Variants in NFATC2 observed in about 807,000 individuals in gnomAD.
NFATC2 encodes the protein nuclear factor of activated T cells 2, also known as nuclear factor of activated T-cells, cytoplasmic 2.
NFATC2 carries 22 observed loss-of-function variants against 87.3 expected under a neutral mutation model. The observed-to-expected ratio is 0.25, with a 90% CI of 0.18 to 0.36. The LOEUF is 0.36. Ranked by LOEUF, NFATC2 falls within the 10% of genes least tolerant of loss-of-function variation. The pLI is 1.00. For synonymous variants in NFATC2, 565 were observed against 542.2 expected, an observed-to-expected ratio of 1.04 and a Z score of -0.58; for missense variants, 1,149 against 1,259.1, an observed-to-expected ratio of 0.91 and a Z score of 1.32.
At chr20:51,457,011 C>T (rs1229991962) in intron 5 of NFATC2, among the ~76,000 whole-genome samples, 3 of 152,254 alleles carry the variant, frequency 2.0e-5, no homozygotes, top group Non-Finnish European at 4.4e-5. Flanking sequence ...CCTCTGTTCC[C>T]AGAGACCCGC....
intron 9 of NFATC2, among the ~76,000 whole-genome samples, chr20:51,399,684 TCTC>T (rs978888671): frequency 6.6e-6 from 1 of 152,066 alleles, no homozygotes. Context: ...GCACTTCATC[TCTC>T]CTCCTTTTCT....
chr20:51,400,184 T>C (rs1032895238), intron 9 of NFATC2, among the ~76,000 whole-genome samples: 1 of 151,834 alleles, frequency 6.6e-6, no homozygotes, highest in Non-Finnish European at 1.5e-5. Flanking sequence ...GGTGATCCTG[T>C]TGGAACTGAT....
chr20:51,462,570 C>T (rs988178342), intron 5 of NFATC2, among the ~76,000 whole-genome samples: 1 of 152,138 alleles, frequency 6.6e-6, no homozygotes, highest in Non-Finnish European at 1.5e-5. Flanking sequence ...TTAGGGTTCA[C>T]ACGTAAAAGT....
intron 9 of NFATC2, among the ~76,000 whole-genome samples, chr20:51,421,397 G>A (rs1386858037): frequency 6.6e-6 from 1 of 152,222 alleles, no homozygotes; most frequent in Non-Finnish European, 1.5e-5. Flanking sequence ...CCTTGGATAT[G>A]TGTGGCACTT....
chr20:51,482,957 G>GT (rs1365266410), intron 3 of NFATC2, among the ~76,000 whole-genome samples: 11 of 152,310 alleles, frequency 7.2e-5, no homozygotes, highest in Middle Eastern at 3.4e-3. Context: ...GGCCAGTGAG[G>GT]TCCCCAGGAC....
intron 9 of NFATC2, among the ~76,000 whole-genome samples, chr20:51,431,458 A>G (rs964658502): frequency 1.6e-4 from 24 of 152,170 alleles, no homozygotes; most frequent in African/African-American, 5.8e-4. Flanking sequence ...CCTTGGCCCA[A>G]ACCACCCATC....
chr20:51,410,227 AAG>A (rs1491059585), intron 9 of NFATC2, among the ~76,000 whole-genome samples: 2 of 151,620 alleles, frequency 1.3e-5, no homozygotes, highest in African/African-American at 4.8e-5. Flanking sequence ...AAAAAAAAAA[AAG>A]CGAAATATTA....
intron 6 of NFATC2, among the ~76,000 whole-genome samples, chr20:51,447,125 A>G (rs959032891): frequency 1.3e-5 from 2 of 152,164 alleles, no homozygotes; most frequent in South Asian, 4.1e-4. Context: ...ATTTATATTT[A>G]TTAAACAAAG....
intron 3 of NFATC2, among the ~76,000 whole-genome samples, chr20:51,490,109 T>G (rs186078294): frequency 9.2e-5 from 14 of 152,328 alleles, no homozygotes; most frequent in Non-Finnish European, 1.5e-4. Context: ...AATAGGGAGA[T>G]GCTATAATTA....
intron 5 of NFATC2, among the ~76,000 whole-genome samples, chr20:51,462,712 T>C (rs1236303844): frequency 6.6e-6 from 1 of 152,206 alleles, no homozygotes. Flanking sequence ...TCCATGGGCC[T>C]GCGTGGCATC....
chr20:51,502,231 A>G (rs2076099903), intron 3 of NFATC2, among the ~76,000 whole-genome samples: 1 of 152,190 alleles, frequency 6.6e-6, no homozygotes, highest in Non-Finnish European at 1.5e-5. Flanking sequence ...ATAAGAGGAA[A>G]ACCACTCATA....
chr20:51,391,468 G>GC lies in NFATC2; in HGVS notation c.*45-18_*45-17insG. ...TTTCATTAACTACAAAAGAAAAGAG[G>GC]AGGGGGGGGGAGAGAGAATGGGGCA... On this transcript the variant is annotated splice_polypyrimidine_tract_variant and intron_variant, in intron 10 of 10. Transcript: ENST00000371564. 4 of 1,219,288 alleles carry GC rather than the reference G, an allele frequency of 3.3e-6. No homozygotes were observed. Among genetic ancestry groups the GC allele is most frequent in the Non-Finnish European group, 3.4e-6 (3 of 885,174 alleles). The allele number at this position is 1,219,288 out of a possible 1,614,324, so 75.5% of individuals were successfully genotyped here. A position where few individuals can be genotyped will look rare whatever the true frequency, so the allele number is the denominator to read the frequency against.
chr20:51,458,642 CA>C (rs546708576), intron 5 of NFATC2, among the ~76,000 whole-genome samples: 26,033 of 127,496 alleles, frequency 0.2, 2,862 homozygotes, highest in African/African-American at 0.36. Context: ...ACTAAAACTC[CA>C]AAAAAAAAAA....
intron 1 of NFATC2, among the ~76,000 whole-genome samples, chr20:51,561,476 AAAGAAAGAAAGCAAGCAAGC>A (rs1201874333): frequency 0.011 from 1,430 of 131,756 alleles, 12 homozygotes; most frequent in African/African-American, 0.021. Flanking sequence ...AGAAAGAAAG[AAAGAAAGAAAGCAAGCAAGC>A]AAGCAAGCAA....
intron 9 of NFATC2, among the ~76,000 whole-genome samples, chr20:51,412,904 G>A (rs1481129928): frequency 1.3e-5 from 2 of 151,816 alleles, no homozygotes; most frequent in African/African-American, 4.8e-5. Context: ...ACAACAAGGA[G>A]CACAGGAGAA....
At chr20:51,455,920 GTGGA>G (rs1569001327) in intron 5 of NFATC2, among the ~76,000 whole-genome samples, 2 of 10,970 alleles carry the variant, frequency 1.8e-4, no homozygotes, top group African/African-American at 5.6e-4. Flanking sequence ...GGGTGGGTGG[GTGGA>G]TGGGTGGGTG....
At chr20:51,513,884 A>G (rs2076310708) in intron 3 of NFATC2, among the ~76,000 whole-genome samples, 2 of 152,244 alleles carry the variant, frequency 1.3e-5, no homozygotes, top group South Asian at 2.1e-4. Context: ...CTTTTTCTGC[A>G]CAAGTGAGAA....
At chr20:51,409,807 A>G (rs1489688251) in intron 9 of NFATC2, among the ~76,000 whole-genome samples, 1 of 152,252 alleles carries the variant, frequency 6.6e-6, no homozygotes, top group East Asian at 1.9e-4. Flanking sequence ...AAAGATGGCA[A>G]AGAGAACAGA....
In NFATC2 at chr20:51,525,135, G is replaced by A. The variant is rs560177938; in HGVS notation, c.131-1025C>T. Among the ~76,000 whole-genome samples the A allele has an allele frequency of 9.2e-5, 14 of 152,274 alleles. 1 individual carries two copies. In the Middle Eastern group the frequency reaches 0.014, roughly 148 times the overall value. ...CTCAGGAGGCTGAGGCACAAGAATC[G>A]CTTAAAACCAGGAGGCGGAGGTTTC... On this transcript the variant is annotated intron_variant, in intron 1 of 10. Coordinates refer to ENST00000371564, the MANE Select transcript of NFATC2 (RefSeq NM_012340.5).
Sources: allele counts gnomAD v4.1 joint callset (sites outside exome capture counted in the v4.1 genomes callset), GRCh38; gene constraint gnomAD v4.1.1; transcripts MANE v1.5; gene names NCBI Gene and HGNC (gene_info 2026-07-23, HGNC 2026-07-21).